The following ARHGAP15 variants were observed in gnomAD, a reference collection of about 807,000 sequenced individuals.
ARHGAP15 encodes Rho GTPase activating protein 15, also known as rho GTPase-activating protein 15.
In ARHGAP15, 51 loss-of-function variants were observed where a neutral mutation model predicts 63.7. That is an observed-to-expected ratio of 0.80 (90% CI 0.64 to 1.01). The LOEUF is 1.01. ARHGAP15 is among the 50% of genes least tolerant of loss of function. The pLI is 0.00. For synonymous variants in ARHGAP15, 191 were observed against 193.8 expected, an observed-to-expected ratio of 0.99 and a Z score of 0.12; for missense variants, 560 against 564.6, an observed-to-expected ratio of 0.99 and a Z score of 0.08.
intron 13 of ARHGAP15, among the ~76,000 whole-genome samples, chr2:143,707,079 C>T (rs1466871278): frequency 6.6e-6 from 1 of 152,018 alleles, no homozygotes. Context: ...ACTAGGGAAT[C>T]GTTAACCTTT....
At chr2:143,131,221 A>G (rs1428797074) in intron 1 of ARHGAP15, among the ~76,000 whole-genome samples, 6 of 152,220 alleles carry the variant, frequency 3.9e-5, no homozygotes, top group African/African-American at 1.4e-4. Context: ...ATGATAGGTA[A>G]ATTAAAATAC....
intron 13 of ARHGAP15, among the ~76,000 whole-genome samples, chr2:143,763,873 T>C (rs1379692984): frequency 1.3e-5 from 2 of 150,500 alleles, no homozygotes; most frequent in Non-Finnish European, 3.0e-5. Flanking sequence ...CTGTGTTCTA[T>C]ATAATACTAT....
At chr2:143,169,885 A>C (rs1475905115) in intron 2 of ARHGAP15, among the ~76,000 whole-genome samples, 1 of 152,022 alleles carries the variant, frequency 6.6e-6, no homozygotes, top group African/African-American at 2.4e-5. Flanking sequence ...ATTGCACTCT[A>C]GCCAGGATTA....
At chr2:143,137,064 T>C (rs1250485211) in intron 1 of ARHGAP15, among the ~76,000 whole-genome samples, 1 of 152,142 alleles carries the variant, frequency 6.6e-6, no homozygotes, top group African/African-American at 2.4e-5. Context: ...ACTCTTTTAA[T>C]ATAATATTCC....
chr2:143,693,603 T>G (rs561118332), intron 12 of ARHGAP15, among the ~76,000 whole-genome samples: 6 of 152,226 alleles, frequency 3.9e-5, no homozygotes, highest in Non-Finnish European at 5.9e-5. Context: ...ACTGTAATTT[T>G]CCATTGTCAA....
intron 10 of ARHGAP15, among the ~76,000 whole-genome samples, chr2:143,535,725 C>A (rs1323754511): frequency 6.6e-6 from 1 of 152,150 alleles, no homozygotes; most frequent in Non-Finnish European, 1.5e-5. Context: ...AATGGAGTTT[C>A]TAACATCAAA....
chr2:143,463,729 A>G (rs1052132976), intron 8 of ARHGAP15, among the ~76,000 whole-genome samples: 3 of 152,166 alleles, frequency 2.0e-5, no homozygotes, highest in African/African-American at 7.2e-5. Context: ...CTTTTGTAAA[A>G]TAATATACCT....
chr2:143,430,581 T>G (rs545870032), intron 6 of ARHGAP15, among the ~76,000 whole-genome samples: 5 of 152,100 alleles, frequency 3.3e-5, no homozygotes, highest in Non-Finnish European at 7.4e-5. Context: ...ACTTCGATTT[T>G]AGGTCTTGAT....
intron 6 of ARHGAP15, among the ~76,000 whole-genome samples, chr2:143,385,064 A>G (rs1406099639): frequency 6.6e-6 from 1 of 152,184 alleles, no homozygotes; most frequent in Non-Finnish European, 1.5e-5. Context: ...TAAATTCACC[A>G]TGTAAAATTG....
intron 8 of ARHGAP15, among the ~76,000 whole-genome samples, chr2:143,486,515 T>C (rs1692331614): frequency 6.6e-6 from 1 of 151,900 alleles, no homozygotes; most frequent in African/African-American, 2.4e-5. Flanking sequence ...TGCAGTGAGC[T>C]ATGATCACAC....
At chr2:143,579,638 G>T (rs1696811262) in intron 11 of ARHGAP15, among the ~76,000 whole-genome samples, 1 of 152,124 alleles carries the variant, frequency 6.6e-6, no homozygotes, top group South Asian at 2.1e-4. Context: ...CTGTTTCCAG[G>T]AAGACTGCCC....
At chr2:143,637,749 C>T (rs1266569898) in intron 12 of ARHGAP15, among the ~76,000 whole-genome samples, 1 of 147,506 alleles carries the variant, frequency 6.8e-6, no homozygotes, top group Admixed American at 6.7e-5. Flanking sequence ...AAAAAAAACT[C>T]ATCCGACAAA....
At chr2:143,751,204 G>T (rs1370176373) in intron 13 of ARHGAP15, among the ~76,000 whole-genome samples, 1 of 152,232 alleles carries the variant, frequency 6.6e-6, no homozygotes, top group African/African-American at 2.4e-5. Flanking sequence ...GGGGCATCCA[G>T]GGCCCATCAC....
intron 8 of ARHGAP15, among the ~76,000 whole-genome samples, chr2:143,477,543 C>T (rs1438593516): frequency 6.6e-6 from 1 of 151,836 alleles, no homozygotes. Flanking sequence ...CACAAAAATC[C>T]TTGGCATGGA....
At chr2:143,335,305 T>A (rs1684722969) in intron 6 of ARHGAP15, among the ~76,000 whole-genome samples, 1 of 152,242 alleles carries the variant, frequency 6.6e-6, no homozygotes, top group African/African-American at 2.4e-5. Context: ...AATGTCCTTA[T>A]AATTCCCAGT....
intron 6 of ARHGAP15, among the ~76,000 whole-genome samples, chr2:143,263,186 A>C (rs1359442397): frequency 6.6e-6 from 1 of 152,192 alleles, no homozygotes; most frequent in Non-Finnish European, 1.5e-5. Flanking sequence ...TTTAGTAAGA[A>C]CGGCAGATCT....
intron 13 of ARHGAP15, among the ~76,000 whole-genome samples, chr2:143,748,378 C>A (rs558058939): frequency 2.6e-5 from 4 of 152,126 alleles, no homozygotes; most frequent in Non-Finnish European, 5.9e-5. Flanking sequence ...ACATTGATAA[C>A]TAAATCACTC....
chr2:143,471,184 GTA>G (rs1001948866), intron 8 of ARHGAP15, among the ~76,000 whole-genome samples: 7 of 140,722 alleles, frequency 5.0e-5, no homozygotes, highest in African/African-American at 7.8e-5. Context: ...ATATGTGTGT[GTA>G]TATATACACA....
intron 11 of ARHGAP15, among the ~76,000 whole-genome samples, chr2:143,596,206 T>G (rs544804360): frequency 6.6e-6 from 1 of 152,148 alleles, no homozygotes; most frequent in Non-Finnish European, 1.5e-5. Context: ...TAACATGAAG[T>G]CCTTCTAGAC....
Sources: allele counts gnomAD v4.1 joint callset (sites outside exome capture counted in the v4.1 genomes callset), GRCh38; gene constraint gnomAD v4.1.1; transcripts MANE v1.5; gene names NCBI Gene and HGNC (gene_info 2026-07-23, HGNC 2026-07-21).